Variants in BRWD3 observed in about 807,000 individuals in gnomAD.
BRWD3 encodes the protein bromodomain and WD repeat-containing protein 3.
In BRWD3, 10 loss-of-function variants were observed where a neutral mutation model predicts 149.7. The observed-to-expected ratio is 0.07, with a 90% CI of 0.04 to 0.11. The LOEUF (loss-of-function observed/expected upper bound fraction) is 0.11. Among genes scored for constraint, BRWD3 ranks in the 10% least tolerant of loss-of-function variants. The pLI is 1.00. For missense variants in BRWD3, 940 were observed against 1,373.2 expected, an observed-to-expected ratio of 0.68 and a Z score of 4.99; for synonymous variants, 504 against 456.7, an observed-to-expected ratio of 1.10 and a Z score of -1.32.
Position 80,745,726 on chromosome X carries a change from T to C in BRWD3, c.434A>G (p.Asn145Ser), listed in dbSNP as rs1468406731. The change falls in exon 7 of 41, where the codon AAT (asparagine) becomes AGT (serine). Residue 145 changes from asparagine (N) to serine (S), a missense_variant. By Grantham distance (46) the Asn-to-Ser change is conservative (BLOSUM62 1). Transcript: ENST00000373275. The stretch of plus-strand genomic sequence containing the variant: ...GGTTAATTGCCTGGCAGAGGTGATA[T>C]TCACTGAAAAAAATACGAAATTAAC... ...VNYVKPPNVVNITSARQLTGC... is the reference protein window; with the variant it reads ...VNYVKPPNVVSITSARQLTGC... 1.7e-6 allele frequency: 2 copies of C among 1,200,047 alleles called. No homozygotes were observed. The highest frequency in any genetic ancestry group is 2.2e-6 in the Non-Finnish European group (2 of 889,263).
At chrX:80,788,190 G>T (rs1350252514) in intron 6 of BRWD3, among the ~76,000 whole-genome samples, 2 of 108,497 alleles carry the variant, frequency 1.8e-5, no homozygotes, top group East Asian at 2.9e-4. Flanking sequence ...GTAATCCCAG[G>T]GGGAGGCCGA....
At chrX:80,762,506 A>G (rs971188231) in intron 6 of BRWD3, among the ~76,000 whole-genome samples, 1 of 107,956 alleles carries the variant, frequency 9.3e-6, no homozygotes, top group African/African-American at 3.4e-5. Context: ...ACTCCTCCTC[A>G]TTTTTCTGGG....
At position 80,802,260 on chromosome X, in the gene BRWD3, G is replaced by A. The variant is rs964050831; in HGVS notation, c.180+6279C>T. ...GTTCAAGACTAGCCTTGGCCAACAC[G>A]GTGAAACTCCACCTCTACTGAAAAT... On this transcript the variant is annotated intron_variant, in intron 4 of 40. Transcript: ENST00000373275. Among the ~76,000 whole-genome samples the A allele has an allele frequency of 1.2e-4, 13 of 109,085 alleles. No individual in the cohort carries two copies. In the South Asian group the frequency reaches 2.4e-3, roughly 20 times the overall value. 94.7% of individuals were successfully genotyped at this position (109,085 alleles called of 115,157 possible).
At chrX:80,708,814 CAAA>C (rs1321238456) in intron 21 of BRWD3, among the ~76,000 whole-genome samples, 2 of 60,100 alleles carry the variant, frequency 3.3e-5, no homozygotes. Context: ...GACTCCATCT[CAAA>C]AAAAAAAAAA....
intron 40 of BRWD3, among the ~76,000 whole-genome samples, chrX:80,679,516 G>A (rs1334165908): frequency 8.9e-6 from 1 of 111,789 alleles, no homozygotes; most frequent in Non-Finnish European, 1.9e-5. Flanking sequence ...TATGCATTTG[G>A]AGAGTCATCA....
Position 80,703,544 on chromosome X carries a change from G to A in BRWD3, c.2771C>T (p.Ala924Val), listed in dbSNP as rs767213050. 8.3e-7 allele frequency: 1 copy of A among 1,207,561 alleles called. No homozygotes were observed. The highest frequency in any genetic ancestry group is 1.8e-5 in the South Asian group (1 of 55,946). Residue 924 changes from alanine to valine, a missense_variant, in exon 24 of 41, where the codon GCC (alanine) becomes GTC (valine). By Grantham distance (64) the Ala-to-Val change is moderately conservative. Transcript: ENST00000373275. ...TATAGTATCCAAGATCCACTGAGGG[G>A]CAAACCATTCTTCATTAGGCTCACC... ...IAGEPNEEWF[A>V]PQWILDTIPR...
rs111320610 is a variant in BRWD3 at position 80,723,691 on chromosome X, A to G, written c.1650+57T>C. ...TATTAACTGGAGGGCTTTAAACAAA[A>G]TTTGTGAATGACACAATCCTAAATT... On this transcript the variant is annotated intron_variant, in intron 16 of 40. Coordinates refer to ENST00000373275, the MANE Select transcript of BRWD3 (RefSeq NM_153252.5). 3.7e-3 allele frequency: 4,410 copies of G among 1,180,588 alleles called. 103 individuals carry two copies. In the African/African-American group the frequency reaches 0.067, roughly 18 times the overall value.
intron 6 of BRWD3, among the ~76,000 whole-genome samples, chrX:80,780,897 T>C (rs774497770): frequency 8.9e-6 from 1 of 112,387 alleles, no homozygotes; most frequent in South Asian, 3.6e-4. Context: ...CTACTTTCTT[T>C]CCATTTACAT....
chrX:80,807,755 A>G (rs764643263), intron 4 of BRWD3, among the ~76,000 whole-genome samples: 40 of 111,926 alleles, frequency 3.6e-4, no homozygotes, highest in Admixed American at 8.6e-4. Context: ...AGTATATTCC[A>G]TTTTTAAATA....
intron 6 of BRWD3, among the ~76,000 whole-genome samples, chrX:80,787,193 A>G (rs2074117483): frequency 8.9e-6 from 1 of 111,786 alleles, no homozygotes. Context: ...GAAAACTACA[A>G]AACGCTGCTA....
intron 20 of BRWD3, among the ~76,000 whole-genome samples, chrX:80,713,181 T>A (rs2073016388): frequency 9.0e-6 from 1 of 110,784 alleles, no homozygotes; most frequent in African/African-American, 3.3e-5. Context: ...CCACCCCGTC[T>A]GGGAGGTGTA....
At chrX:80,762,614 T>C in intron 6 of BRWD3, among the ~76,000 whole-genome samples, 1 of 110,677 alleles carries the variant, frequency 9.0e-6, no homozygotes, top group Non-Finnish European at 1.9e-5. Flanking sequence ...CAAAGCAATT[T>C]TGTGGGAAAA....
intron 8 of BRWD3, among the ~76,000 whole-genome samples, chrX:80,742,411 T>TATGAACTTTAAAGG (rs2073526934): frequency 1.0e-5 from 1 of 96,277 alleles, no homozygotes; most frequent in Admixed American, 1.1e-4. Context: ...TTTGGTTCTG[T>TATGAACTTTAAAGG]AGTTTTTTCC....
chrX:80,682,011 G>A lies in BRWD3; in HGVS notation c.4481C>T (p.Pro1494Leu). 8.3e-7 allele frequency: 1 copy of A among 1,205,437 alleles called. No individual in the cohort carries two copies. The highest frequency in any genetic ancestry group is 1.1e-6 in the Non-Finnish European group (1 of 890,060). ...GACATATTTACCAGGAGATGAGAAA[G>A]GAGAGCTAGTCCTGGCATGAGATAC... ...TSVSHARTSS[P>L]FSSPVSDAAE... Residue 1494 changes from proline to leucine, a missense_variant, in exon 39 of 41, where the codon CCT (proline) becomes CTT (leucine). Physicochemically the swap from Pro to Leu is moderately conservative, Grantham distance 98. Coordinates refer to ENST00000373275, the MANE Select transcript of BRWD3 (RefSeq NM_153252.5).
In BRWD3 at chrX:80,736,141, C is replaced by T. The variant is rs1242944461; in HGVS notation, c.814-53G>A. 1.7e-5 allele frequency: 12 copies of T among 708,697 alleles called. No homozygotes were observed. In the Admixed American group the frequency reaches 2.3e-4, roughly 14 times the overall value. The allele number at this position is 708,697 out of a possible 1,213,427, so 58.4% of individuals were successfully genotyped here. A position where few individuals can be genotyped will look rare whatever the true frequency, so the allele number is the denominator to read the frequency against. On this transcript the variant is annotated intron_variant, in intron 8 of 40. Transcript: ENST00000373275. ...TAAAAAGTTTTCATGTTCAGCCTAA[C>T]ATCAAACACGGAGTATTTTCAAATT...
intron 4 of BRWD3, among the ~76,000 whole-genome samples, chrX:80,795,086 T>C (rs1042214003): frequency 1.3e-4 from 15 of 111,350 alleles, no homozygotes; most frequent in African/African-American, 4.9e-4. Flanking sequence ...AAAAAACAAG[T>C]ACAATTCTGG....
chrX:80,689,555 A>G (rs1286492517), intron 33 of BRWD3, among the ~76,000 whole-genome samples: 2 of 111,676 alleles, frequency 1.8e-5, no homozygotes, highest in African/African-American at 3.2e-5. Context: ...TGTGTCAAAT[A>G]TGATGACTGG....
chrX:80,722,584 T>C lies in BRWD3; in HGVS notation c.1854A>G (p.Pro618=). ...TACCATTAGCCACATATCCCAGCTG[T>C]GGTATAAGCTGTTCATCTTTACAAT... The part of the protein sequence containing the change: ...RENCKDEQLI[P]QLGYVANGDG... Residue 618 remains proline, a synonymous_variant, in exon 17 of 41, where the codon CCA becomes CCG. Transcript: ENST00000373275. 2 of 1,210,122 alleles carry C rather than the reference T, an allele frequency of 1.7e-6. No homozygotes were observed. The highest frequency in any genetic ancestry group is 1.8e-5 in the South Asian group (1 of 56,922).
chrX:80,731,052 C>G (rs770833264), intron 12 of BRWD3, among the ~76,000 whole-genome samples: 10 of 111,206 alleles, frequency 9.0e-5, no homozygotes, highest in Non-Finnish European at 1.9e-4. Flanking sequence ...TTTGCTGAGT[C>G]AGAGTAGGTG....
Sources: gnomAD v4.1 joint callset for allele counts (sites outside exome capture counted in the v4.1 genomes callset) on GRCh38, gnomAD v4.1.1 for gene constraint, MANE v1.5 for transcripts, NCBI Gene and HGNC (gene_info 2026-07-23, HGNC 2026-07-21) for gene names.